The following GLCE variants were observed in gnomAD, a reference collection of about 807,000 sequenced individuals.
The protein encoded by GLCE is D-glucuronyl C5-epimerase.
Under a neutral mutation model 47.9 loss-of-function variants are expected in GLCE, and 19 were observed. The observed-to-expected ratio is 0.40, with a 90% confidence interval of 0.28 to 0.58. GLCE has a LOEUF of 0.58. GLCE is among the 20% of genes least tolerant of loss of function. The probability of loss-of-function intolerance (pLI) is 0.48; values close to 1 mark genes in which losing one functional copy is unlikely to be tolerated. For synonymous variants in GLCE, 245 were observed against 263.4 expected, an observed-to-expected ratio of 0.93 and a Z score of 0.68; for missense variants, 556 against 743.3, an observed-to-expected ratio of 0.75 and a Z score of 2.93.
At chr15:69,212,155 A>G (rs1273051629) in intron 2 of GLCE, among the ~76,000 whole-genome samples, 1 of 151,476 alleles carries the variant, frequency 6.6e-6, no homozygotes, top group African/African-American at 2.4e-5. Flanking sequence ...GTGTGTGTTT[A>G]GCTGTGGAGA....
chr15:69,198,421 G>A (rs2052028693), intron 1 of GLCE, among the ~76,000 whole-genome samples: 1 of 152,096 alleles, frequency 6.6e-6, no homozygotes, highest in Admixed American at 6.6e-5. Flanking sequence ...TCTCTTACAA[G>A]GTTATGAACC....
chr15:69,252,295 G>A (rs1022433077), intron 2 of GLCE, among the ~76,000 whole-genome samples: 4 of 152,154 alleles, frequency 2.6e-5, no homozygotes, highest in African/African-American at 9.7e-5. Context: ...TCACAATTCT[G>A]CAGGCTATAC....
intron 2 of GLCE, among the ~76,000 whole-genome samples, chr15:69,214,603 A>T (rs2052279267): frequency 3.9e-5 from 6 of 152,146 alleles, no homozygotes; most frequent in Admixed American, 3.9e-4. Context: ...AAAACGGACG[A>T]ATTACATATA....
At chr15:69,177,211 G>A (rs893357900) in intron 1 of GLCE, among the ~76,000 whole-genome samples, 1 of 151,588 alleles carries the variant, frequency 6.6e-6, no homozygotes, top group East Asian at 1.9e-4. Context: ...TAGAGACGGG[G>A]TTTCACCACG....
intron 1 of GLCE, among the ~76,000 whole-genome samples, chr15:69,180,200 C>G (rs532862643): frequency 1.2e-4 from 19 of 152,116 alleles, no homozygotes; most frequent in African/African-American, 4.6e-4. Flanking sequence ...TTTTAGTGGT[C>G]CCTTTTAGTA....
At chr15:69,247,504 C>CT (rs2052769551) in intron 2 of GLCE, among the ~76,000 whole-genome samples, 1 of 152,200 alleles carries the variant, frequency 6.6e-6, no homozygotes, top group African/African-American at 2.4e-5. Context: ...TCTTTTCATT[C>CT]ATGTGTTCAC....
chr15:69,187,445 C>G (rs1405754629), intron 1 of GLCE, among the ~76,000 whole-genome samples: 2 of 152,078 alleles, frequency 1.3e-5, no homozygotes, highest in African/African-American at 4.8e-5. Context: ...GTATTATTGT[C>G]CCCATTTTAC....
At chr15:69,180,096 A>G (rs1287467940) in intron 1 of GLCE, among the ~76,000 whole-genome samples, 2 of 152,238 alleles carry the variant, frequency 1.3e-5, no homozygotes, top group Non-Finnish European at 2.9e-5. Context: ...AATAATTAGT[A>G]TAGTTATAAG....
At chr15:69,218,356 A>T (rs1216037875) in intron 2 of GLCE, among the ~76,000 whole-genome samples, 1 of 151,818 alleles carries the variant, frequency 6.6e-6, no homozygotes, top group East Asian at 1.9e-4. Context: ...CCAAAAAAAT[A>T]CAAAAAAATT....
At chr15:69,186,976 T>C (rs967948108) in intron 1 of GLCE, among the ~76,000 whole-genome samples, 1 of 152,190 alleles carries the variant, frequency 6.6e-6, no homozygotes, top group Non-Finnish European at 1.5e-5. Context: ...ATTTCATTGC[T>C]GAGAACCCTC....
At chr15:69,245,874 G>A (rs2052739657) in intron 2 of GLCE, among the ~76,000 whole-genome samples, 1 of 152,034 alleles carries the variant, frequency 6.6e-6, no homozygotes, top group African/African-American at 2.4e-5. Flanking sequence ...GATTACAGGT[G>A]CCCACCACCA....
At chr15:69,235,904 C>T (rs745521815) in intron 2 of GLCE, among the ~76,000 whole-genome samples, 24 of 152,166 alleles carry the variant, frequency 1.6e-4, no homozygotes, top group Non-Finnish European at 2.6e-4. Flanking sequence ...AAATCTAGAA[C>T]ATTTCCATCG....
intron 1 of GLCE, among the ~76,000 whole-genome samples, chr15:69,170,067 G>A (rs544566391): frequency 1.3e-5 from 2 of 152,058 alleles, no homozygotes; most frequent in East Asian, 3.9e-4. Context: ...AAAACATTAA[G>A]TCAAAAGATA....
chr15:69,169,566 C>CCA, intron 1 of GLCE, among the ~76,000 whole-genome samples: 1 of 134,752 alleles, frequency 7.4e-6, no homozygotes, highest in African/African-American at 2.7e-5. Flanking sequence ...ACAACAGGCC[C>CCA]TTGTGTGTGA....
chr15:69,240,637 A>G (rs2052657453), intron 2 of GLCE, among the ~76,000 whole-genome samples: 2 of 152,182 alleles, frequency 1.3e-5, no homozygotes, highest in Non-Finnish European at 2.9e-5. Flanking sequence ...CAATATCCGA[A>G]TAAGAAACAA....
intron 1 of GLCE, among the ~76,000 whole-genome samples, chr15:69,198,095 C>T (rs1411143003): frequency 1.3e-5 from 2 of 152,068 alleles, no homozygotes; most frequent in Non-Finnish European, 2.9e-5. Context: ...GTACCTTACC[C>T]CTCACATGTA....
intron 1 of GLCE, among the ~76,000 whole-genome samples, chr15:69,193,551 T>C (rs753535959): frequency 1.3e-5 from 2 of 151,978 alleles, no homozygotes; most frequent in Non-Finnish European, 2.9e-5. Flanking sequence ...AAACTTCAGA[T>C]TTTGCTCAGA....
At position 69,270,473 on chromosome 15, in the gene GLCE, A is replaced by G. The variant is rs1044474015; in HGVS notation, c.*1229A>G. Reference sequence around the variant, plus strand: ...CCCCATACAATGGGCAGTGTCTGCTATAGGGCTTCAGGCATTAAATAAAAC... The same window carrying G: ...CCCCATACAATGGGCAGTGTCTGCTGTAGGGCTTCAGGCATTAAATAAAAC... On this transcript the variant is annotated 3_prime_UTR_variant, in exon 5 of 5. Coordinates refer to ENST00000261858, the MANE Select transcript of GLCE (RefSeq NM_015554.3). 6.6e-6 allele frequency: 1 copy of G among 152,164 alleles called. No individual in the cohort carries two copies. Among genetic ancestry groups the G allele is most frequent in the Non-Finnish European group, 1.5e-5 (1 of 68,024 alleles). The allele number at this position is 152,164 out of a possible 1,614,324, so 9.4% of individuals were successfully genotyped here.
rs376961499 is a variant in GLCE at position 69,249,186 on chromosome 15, T to C, written c.-13-6608T>C. Among the ~76,000 whole-genome samples the C allele has an allele frequency of 6.6e-5, 10 of 152,182 alleles. No individual in the cohort carries two copies. The East Asian group carries it at 1.4e-3, about 21-fold the overall frequency. ...CCATCCAAATGGATATCTGGGGAAA[T>C]AGAGTGCTAGGCATGGGGAATGACA... On this transcript the variant is annotated intron_variant, in intron 2 of 4. Transcript: ENST00000261858.
Sources: allele counts gnomAD v4.1 joint callset (sites outside exome capture counted in the v4.1 genomes callset), GRCh38; gene constraint gnomAD v4.1.1; transcripts MANE v1.5; gene names NCBI Gene and HGNC (gene_info 2026-07-23, HGNC 2026-07-21).